The following PLEKHG1 variants were observed in gnomAD, a reference collection of about 807,000 sequenced individuals.
PLEKHG1 encodes pleckstrin homology and RhoGEF domain containing G1, also known as pleckstrin homology domain-containing family G member 1.
A neutral mutation model predicts 100.8 loss-of-function variants in PLEKHG1; 44 were observed. That is an observed-to-expected ratio of 0.44 (90% CI 0.34 to 0.56). The LOEUF (loss-of-function observed/expected upper bound fraction) is 0.56. Ranked by LOEUF, PLEKHG1 falls within the 20% of genes least tolerant of loss-of-function variation. PLEKHG1 has a pLI of 0.01. For missense variants in PLEKHG1, 1,545 were observed against 1,720.9 expected (o/e 0.90, Z 1.81); for synonymous variants, 640 against 662.5 (o/e 0.97, Z 0.52).
intron 10 of PLEKHG1, among the ~76,000 whole-genome samples, chr6:150,815,242 C>G (rs903535712): frequency 2.0e-5 from 3 of 152,160 alleles, no homozygotes; most frequent in African/African-American, 7.2e-5. Context: ...AATGTCAACA[C>G]AGCTGTGGGA....
intron 4 of PLEKHG1, among the ~76,000 whole-genome samples, chr6:150,794,218 A>G (rs1342556493): frequency 6.6e-6 from 1 of 152,242 alleles, no homozygotes; most frequent in Non-Finnish European, 1.5e-5. Context: ...AGAGACTACT[A>G]AAGAGATATC....
At chr6:150,830,955 G>A in exon 15 of PLEKHG1, 2 of 1,614,010 alleles carry the variant, frequency 1.2e-6, no homozygotes, top group Non-Finnish European at 8.5e-7. Flanking sequence ...GCTGGGGAGA[G>A]CAACACATGC....
intron 2 of PLEKHG1, among the ~76,000 whole-genome samples, chr6:150,644,233 G>A (rs1778385330): frequency 6.6e-6 from 1 of 151,492 alleles, no homozygotes; most frequent in East Asian, 1.9e-4. Context: ...TGTGCCTATA[G>A]CATGCCAGAA....
intron 3 of PLEKHG1, chr6:150,686,645 T>C (rs1438223450): frequency 6.6e-6 from 1 of 152,232 alleles, no homozygotes; most frequent in Non-Finnish European, 1.5e-5. Context: ...TTTCCTGTTG[T>C]CTGTTTTTCT....
intron 10 of PLEKHG1, among the ~76,000 whole-genome samples, chr6:150,812,592 C>A (rs755319927): frequency 6.6e-6 from 1 of 151,968 alleles, no homozygotes; most frequent in African/African-American, 2.4e-5. Flanking sequence ...TAAGAAGGAA[C>A]GGAATGGGTA....
chr6:150,672,004 T>A (rs1027176096), intron 3 of PLEKHG1, among the ~76,000 whole-genome samples: 7 of 152,134 alleles, frequency 4.6e-5, no homozygotes, highest in African/African-American at 7.2e-5. Flanking sequence ...TGGGTGAGAA[T>A]GAATTACAGA....
At chr6:150,742,428 G>T (rs1250723918) in intron 2 of PLEKHG1, among the ~76,000 whole-genome samples, 4 of 152,098 alleles carry the variant, frequency 2.6e-5, no homozygotes, top group African/African-American at 9.7e-5. Context: ...AGCCGAGTGT[G>T]GTGGTGTGCA....
At chr6:150,697,936 T>G (rs28431130) in intron 3 of PLEKHG1, among the ~76,000 whole-genome samples, 56,399 of 120,742 alleles carry the variant, frequency 0.47, 10,687 homozygotes, top group Non-Finnish European at 0.51. Context: ...TTTTTTTTTT[T>G]TTGTTGTTGG....
At chr6:150,801,167 A>C (rs1048744172) in intron 6 of PLEKHG1, among the ~76,000 whole-genome samples, 1 of 152,152 alleles carries the variant, frequency 6.6e-6, no homozygotes, top group African/African-American at 2.4e-5. Flanking sequence ...CGAATGAAAA[A>C]CAGATTTTGT....
chr6:150,628,576 A>ACACACACACACACACACC (rs1317085737), intron 1 of PLEKHG1, among the ~76,000 whole-genome samples: 84 of 108,178 alleles, frequency 7.8e-4, no homozygotes, highest in African/African-American at 2.6e-3. Context: ...ACACACACAC[A>ACACACACACACACACACC]CCCCGTCCTT....
chr6:150,639,799 C>T (rs1005629739), intron 2 of PLEKHG1, among the ~76,000 whole-genome samples: 3 of 152,068 alleles, frequency 2.0e-5, no homozygotes, highest in Admixed American at 6.5e-5. Flanking sequence ...TAATGCATGT[C>T]GGAAAGCAAT....
chr6:150,841,914 T>C (rs1363649955), exon 16 of PLEKHG1: 1 of 152,222 alleles, frequency 6.6e-6, no homozygotes, highest in Non-Finnish European at 1.5e-5. Flanking sequence ...TGAGGAGTCA[T>C]TGGCTGCAGG....
intron 4 of PLEKHG1, among the ~76,000 whole-genome samples, chr6:150,792,287 G>A (rs1377691571): frequency 6.6e-6 from 1 of 151,070 alleles, no homozygotes; most frequent in Non-Finnish European, 1.5e-5. Context: ...AATCCAGGAG[G>A]TAGAGGTTTC....
intron 3 of PLEKHG1, among the ~76,000 whole-genome samples, chr6:150,688,063 C>T (rs564142764): frequency 6.6e-5 from 10 of 152,264 alleles, no homozygotes; most frequent in East Asian, 3.9e-4. Flanking sequence ...GGTATCCAAA[C>T]GAGACAAGGC....
Position 150,677,853 on chromosome 6 carries a change from G to A in PLEKHG1, c.-99+27067G>A, listed in dbSNP as rs369542868. Among the ~76,000 whole-genome samples, 13 of 151,620 alleles carry A rather than the reference G, an allele frequency of 8.6e-5. 1 individual carries two copies. In the East Asian group the frequency reaches 2.5e-3, roughly 29 times the overall value. On this transcript the variant is annotated intron_variant, in intron 3 of 3. Coordinates refer to the PLEKHG1 transcript ENST00000367326. ...AATTATGCCACTGTACTCCAGCCTGGGTGACAGAGTGAGACCCTGTCTCCA... is the reference window on the plus strand; with the variant it reads ...AATTATGCCACTGTACTCCAGCCTGAGTGACAGAGTGAGACCCTGTCTCCA...
intron 3 of PLEKHG1, among the ~76,000 whole-genome samples, chr6:150,674,673 C>CTCTT (rs1554258846): frequency 1.4e-5 from 2 of 145,466 alleles, no homozygotes; most frequent in East Asian, 4.0e-4. Context: ...CTCTCTCTCT[C>CTCTT]TCTCTCTCTC....
chr6:150,654,203 G>A (rs750325932), intron 3 of PLEKHG1, among the ~76,000 whole-genome samples: 24 of 152,218 alleles, frequency 1.6e-4, no homozygotes, highest in Non-Finnish European at 2.1e-4. Flanking sequence ...TCCAGGCACC[G>A]GGTGCTGAGG....
intron 3 of PLEKHG1, among the ~76,000 whole-genome samples, chr6:150,705,551 G>A (rs1481555486): frequency 6.6e-6 from 1 of 152,216 alleles, no homozygotes; most frequent in Non-Finnish European, 1.5e-5. Context: ...GAGGTGTGCT[G>A]GAAACAAGCA....
chr6:150,725,290 C>G (rs746649162), intron 1 of PLEKHG1, among the ~76,000 whole-genome samples: 2 of 152,120 alleles, frequency 1.3e-5, no homozygotes, highest in East Asian at 1.9e-4. Context: ...TCCCAACAGC[C>G]CCCCCTCCTA....
Sources: allele counts gnomAD v4.1 joint callset (sites outside exome capture counted in the v4.1 genomes callset), GRCh38; gene constraint gnomAD v4.1.1; transcripts MANE v1.5; gene names NCBI Gene and HGNC (gene_info 2026-07-23, HGNC 2026-07-21).